Variants in PIEZO2 observed in about 807,000 individuals in gnomAD.
PIEZO2 encodes the protein piezo type mechanosensitive ion channel component 2, also known as piezo-type mechanosensitive ion channel component 2.
In PIEZO2, 172 loss-of-function variants were observed where a neutral mutation model predicts 337.3. The ratio of observed to expected loss-of-function variants is 0.51; its 90% CI spans 0.45 to 0.58. PIEZO2 has a LOEUF of 0.58. PIEZO2 is among the 20% of genes least tolerant of loss of function. The pLI, the probability that PIEZO2 is intolerant of heterozygous loss-of-function variation, is 0.00. For missense variants in PIEZO2, 3,028 were observed against 3,391.3 expected (o/e 0.89, Z 2.66); for synonymous variants, 1,251 against 1,228.5 (o/e 1.02, Z -0.38).
chr18:10,939,661 A>C (rs1461343003), intron 3 of PIEZO2, among the ~76,000 whole-genome samples: 3 of 152,160 alleles, frequency 2.0e-5, no homozygotes, highest in South Asian at 2.1e-4. Flanking sequence ...GCAAACTAAC[A>C]CAGGAACAGA....
intron 2 of PIEZO2, among the ~76,000 whole-genome samples, chr18:10,992,567 G>C (rs1265382683): frequency 6.6e-6 from 1 of 152,146 alleles, no homozygotes; most frequent in Non-Finnish European, 1.5e-5. Context: ...TGAGGCCTCT[G>C]TCCTGTTCTA....
Position 10,943,312 on chromosome 18 carries a change from T to A in PIEZO2, c.287-32084A>T, listed in dbSNP as rs1000153906. Among the ~76,000 whole-genome samples the A allele has an allele frequency of 2.6e-5, 4 of 152,048 alleles. No homozygotes were observed. The highest frequency in any genetic ancestry group is 9.7e-5 in the African/African-American group (4 of 41,378). On this transcript the variant is annotated intron_variant, in intron 3 of 55. Coordinates refer to ENST00000674853, the MANE Select transcript of PIEZO2 (RefSeq NM_001378183.1). This position sits in a 1 kb window ranked among gnomAD's most constrained non-coding sequence, Gnocchi z 4.5. Reference sequence around the variant, plus strand: ...GCCGCAGACACTCAACTCCAACCAGTGAAAGCAGCCAAGAGGGAGGCTGTA... The same window carrying A: ...GCCGCAGACACTCAACTCCAACCAGAGAAAGCAGCCAAGAGGGAGGCTGTA...
At chr18:11,029,163 C>T (rs1307359934) in intron 2 of PIEZO2, among the ~76,000 whole-genome samples, 1 of 152,184 alleles carries the variant, frequency 6.6e-6, no homozygotes, top group Non-Finnish European at 1.5e-5. Context: ...ACTCACATGA[C>T]ATTCCCACTT....
intron 3 of PIEZO2, among the ~76,000 whole-genome samples, chr18:10,944,017 T>A (rs978719185): frequency 2.0e-5 from 3 of 152,206 alleles, no homozygotes; most frequent in Non-Finnish European, 4.4e-5. Flanking sequence ...CCCAGCCATG[T>A]GGAACCGTAA....
At position 10,716,478 on chromosome 18, in the gene PIEZO2, C is replaced by T. The variant is rs2036015387; in HGVS notation, c.5090-662G>A. Among the ~76,000 whole-genome samples, 1 of 152,154 alleles carries T rather than the reference C, an allele frequency of 6.6e-6. No homozygotes were observed. Among genetic ancestry groups the T allele is most frequent in the Non-Finnish European group, 1.5e-5 (1 of 68,036 alleles). On this transcript the variant is annotated intron_variant, in intron 37 of 55. Transcript: ENST00000674853. The surrounding 1 kb of genome is among the most constrained non-coding windows in gnomAD (Gnocchi z 4.1). ...CCTGGTGACACCCAAACCTCAAAAC[C>T]ATGTCACACCTAACAGTCTTCCATG...
At position 10,775,103 on chromosome 18, in the gene PIEZO2, T is replaced by C. The variant is rs1448038889; in HGVS notation, c.2535-1065A>G. Among the ~76,000 whole-genome samples the C allele has an allele frequency of 2.0e-5, 3 of 152,192 alleles. No homozygotes were observed. The highest frequency in any genetic ancestry group is 7.2e-5 in the African/African-American group (3 of 41,430). ...AGGATGTCCAGCAGGTAAATGATAG[T>C]ATGCCAGAAACAGATTGTTAATTTA... On this transcript the variant is annotated intron_variant, in intron 18 of 55. Coordinates refer to ENST00000674853, the MANE Select transcript of PIEZO2 (RefSeq NM_001378183.1). This position sits in a 1 kb window ranked among gnomAD's most constrained non-coding sequence, Gnocchi z 4.3.
chr18:10,977,284 C>T (rs2034481212), intron 3 of PIEZO2, among the ~76,000 whole-genome samples: 1 of 150,562 alleles, frequency 6.6e-6, no homozygotes, highest in African/African-American at 2.5e-5. Flanking sequence ...AATTTTTTTG[C>T]AGACATGAAT....
At chr18:11,106,267 T>C (rs535199759) in intron 1 of PIEZO2, among the ~76,000 whole-genome samples, 11 of 150,274 alleles carry the variant, frequency 7.3e-5, no homozygotes, top group African/African-American at 2.7e-4. Context: ...TTTGTATTTT[T>C]TTTTTTTTTT....
At chr18:11,091,908 C>T (rs2039102570) in intron 1 of PIEZO2, among the ~76,000 whole-genome samples, 1 of 152,212 alleles carries the variant, frequency 6.6e-6, no homozygotes. Flanking sequence ...AAGGGCAAGG[C>T]TCCGCTTTCA....
intron 3 of PIEZO2, among the ~76,000 whole-genome samples, chr18:10,972,408 G>A (rs1267289559): frequency 6.6e-6 from 1 of 152,176 alleles, no homozygotes; most frequent in Non-Finnish European, 1.5e-5. Flanking sequence ...GGAATGAGAA[G>A]AGGGCCATAA....
At chr18:10,950,729 C>A (rs148475877) in intron 3 of PIEZO2, among the ~76,000 whole-genome samples, 167 of 152,252 alleles carry the variant, frequency 1.1e-3, no homozygotes, top group African/African-American at 3.7e-3. Flanking sequence ...CCTCCTCTTC[C>A]CTCTTCTGTA....
intron 1 of PIEZO2, among the ~76,000 whole-genome samples, chr18:11,135,928 T>C (rs1003067345): frequency 3.3e-5 from 5 of 152,224 alleles, no homozygotes; most frequent in African/African-American, 1.2e-4. Flanking sequence ...ATGGATCTAC[T>C]GGAATAGATA....
At chr18:10,731,800 T>C (rs1174525246) in intron 35 of PIEZO2, among the ~76,000 whole-genome samples, 1 of 152,200 alleles carries the variant, frequency 6.6e-6, no homozygotes, top group Non-Finnish European at 1.5e-5. Flanking sequence ...TCACCACAAT[T>C]TGTGATACTT....
intron 7 of PIEZO2, among the ~76,000 whole-genome samples, chr18:10,811,120 A>G (rs1342886551): frequency 1.3e-5 from 2 of 152,172 alleles, no homozygotes; most frequent in East Asian, 1.9e-4. Context: ...GCCATTTCCC[A>G]GCACACTTCA....
In PIEZO2 at chr18:10,686,906, T is replaced by C. The variant is rs531137857; in HGVS notation, c.7497+2749A>G. On this transcript the variant is annotated intron_variant, in intron 49 of 55. Transcript: ENST00000674853. ...AAAAGATCCACTGAATAACTCCCTG[T>C]AACAGTGGAGGAGAGGAGACAAGCG... 2.9e-4 allele frequency among the ~76,000 whole-genome samples: 44 copies of C among 152,214 alleles called. 1 individual carries two copies. Among genetic ancestry groups the C allele is most frequent in the Non-Finnish European group, 6.3e-4 (43 of 68,004 alleles).
intron 49 of PIEZO2, among the ~76,000 whole-genome samples, chr18:10,688,919 A>G (rs1252491478): frequency 6.6e-6 from 1 of 152,080 alleles, no homozygotes; most frequent in Non-Finnish European, 1.5e-5. Flanking sequence ...TGCCAGCCCC[A>G]TCTCCCTCAC....
chr18:10,683,588 A>G (rs563975945), intron 49 of PIEZO2, among the ~76,000 whole-genome samples: 121 of 152,336 alleles, frequency 7.9e-4, no homozygotes, highest in Admixed American at 1.4e-3. Flanking sequence ...TCTATATTGA[A>G]AGGAAGACTA....
At chr18:10,836,273 T>A (rs972840635) in intron 7 of PIEZO2, among the ~76,000 whole-genome samples, 1 of 152,194 alleles carries the variant, frequency 6.6e-6, no homozygotes, top group African/African-American at 2.4e-5. Context: ...GACTCCTGTC[T>A]AAGCAAACAA....
At chr18:10,832,774 C>T (rs987761430) in intron 7 of PIEZO2, among the ~76,000 whole-genome samples, 1 of 152,206 alleles carries the variant, frequency 6.6e-6, no homozygotes. Flanking sequence ...TCGTGGGCTC[C>T]TTGTTAAAAT....
Sources: gnomAD v4.1 joint callset for allele counts (sites outside exome capture counted in the v4.1 genomes callset) on GRCh38, gnomAD v4.1.1 for gene constraint, Gnocchi (gnomAD v3.1) non-coding constraint, MANE v1.5 for transcripts, NCBI Gene and HGNC (gene_info 2026-07-23, HGNC 2026-07-21) for gene names.